The following CNTN5 variants were observed in gnomAD, a reference collection of about 807,000 sequenced individuals.
CNTN5 encodes contactin-5.
Under a neutral mutation model 129.1 loss-of-function variants are expected in CNTN5, and 77 were observed. The observed-to-expected ratio is 0.60, with a 90% CI of 0.50 to 0.72. CNTN5 has a LOEUF of 0.72. Ranked by LOEUF, CNTN5 falls within the 30% of genes least tolerant of loss-of-function variation. The pLI is 0.00. For synonymous variants in CNTN5, 509 were observed against 465.6 expected, an observed-to-expected ratio of 1.09 and a Z score of -1.20; for missense variants, 1,478 against 1,328.8, an observed-to-expected ratio of 1.11 and a Z score of -1.75.
chr11:99,313,401 G>T (rs1166558561), intron 1 of CNTN5, among the ~76,000 whole-genome samples: 1 of 151,844 alleles, frequency 6.6e-6, no homozygotes, highest in African/African-American at 2.4e-5. Flanking sequence ...TTAATTTTAA[G>T]AACAAATGCC....
intron 18 of CNTN5, among the ~76,000 whole-genome samples, chr11:100,277,944 G>A (rs1188791529): frequency 6.6e-6 from 1 of 151,996 alleles, no homozygotes; most frequent in African/African-American, 2.4e-5. Flanking sequence ...CATATTTTGA[G>A]GTCTTAGATT....
chr11:99,482,635 G>T (rs368529115), intron 2 of CNTN5, among the ~76,000 whole-genome samples: 1 of 151,850 alleles, frequency 6.6e-6, no homozygotes, highest in Non-Finnish European at 1.5e-5. Context: ...AACCGAAATC[G>T]CTTTTCAAAA....
chr11:100,043,828 A>G (rs1942504523), intron 9 of CNTN5, among the ~76,000 whole-genome samples: 2 of 150,808 alleles, frequency 1.3e-5, no homozygotes, highest in Non-Finnish European at 3.0e-5. Flanking sequence ...GGATCATTTG[A>G]TTCAGTTTGT....
intron 7 of CNTN5, among the ~76,000 whole-genome samples, chr11:99,947,384 T>C (rs1240927850): frequency 6.6e-6 from 1 of 151,730 alleles, no homozygotes. Context: ...TAGGGACAAA[T>C]TCTTGATGTA....
chr11:99,279,073 G>A (rs1242047294), intron 1 of CNTN5, among the ~76,000 whole-genome samples: 6 of 151,808 alleles, frequency 4.0e-5, no homozygotes, highest in South Asian at 4.1e-4. Context: ...TATACTTTGC[G>A]AAGTACTCTA....
chr11:99,052,690 C>T (rs1380130716), intron 1 of CNTN5, among the ~76,000 whole-genome samples: 1 of 151,804 alleles, frequency 6.6e-6, no homozygotes, highest in Non-Finnish European at 1.5e-5. Context: ...TGGCCAAACT[C>T]TCACCTCTGA....
rs374079438 is a variant in CNTN5 at position 100,333,036 on chromosome 11, T to A, written c.2731-7427T>A. 2.0e-5 allele frequency among the ~76,000 whole-genome samples: 3 copies of A among 151,860 alleles called. No individual in the cohort carries two copies. In the East Asian group the frequency reaches 5.8e-4, roughly 29 times the overall value. On this transcript the variant is annotated intron_variant, in intron 21 of 24. Coordinates refer to ENST00000524871, the MANE Select transcript of CNTN5 (RefSeq NM_014361.4). Reference sequence around the variant, plus strand: ...TTTGCTGATGATATGATTGTATACATGAAGACAAAAAAGCTCCTAGAACGG... The same window carrying A: ...TTTGCTGATGATATGATTGTATACAAGAAGACAAAAAAGCTCCTAGAACGG...
Position 99,399,906 on chromosome 11 carries a change from A to G in CNTN5, c.-71+74422A>G, listed in dbSNP as rs564965394. The stretch of plus-strand genomic sequence containing the variant: ...GAAGGTGGATACATTTATGGAGTAC[A>G]TGAGATATTTGATACAGGCATGCAA... On this transcript the variant is annotated intron_variant, in intron 2 of 24. Coordinates refer to ENST00000524871, the MANE Select transcript of CNTN5 (RefSeq NM_014361.4). 5.9e-5 allele frequency among the ~76,000 whole-genome samples: 9 copies of G among 152,074 alleles called. No homozygotes were observed. In the South Asian group the frequency reaches 1.5e-3, roughly 25 times the overall value.
chr11:100,280,977 A>G (rs776685147), intron 18 of CNTN5, among the ~76,000 whole-genome samples: 4 of 152,152 alleles, frequency 2.6e-5, no homozygotes, highest in Non-Finnish European at 5.9e-5. Flanking sequence ...AAAAATCTAC[A>G]TCTTAAATTT....
intron 1 of CNTN5, among the ~76,000 whole-genome samples, chr11:99,178,436 G>T (rs1427610023): frequency 4.0e-5 from 6 of 151,570 alleles, no homozygotes; most frequent in Non-Finnish European, 7.4e-5. Context: ...TGGGAGGATT[G>T]CTTGAACCCA....
At chr11:99,628,899 A>G (rs532479211) in intron 3 of CNTN5, among the ~76,000 whole-genome samples, 1 of 152,200 alleles carries the variant, frequency 6.6e-6, no homozygotes, top group South Asian at 2.1e-4. Flanking sequence ...TTCATTTATA[A>G]ATAATTTGCT....
chr11:99,824,796 A>G (rs565290744), intron 4 of CNTN5, among the ~76,000 whole-genome samples: 17 of 152,070 alleles, frequency 1.1e-4, no homozygotes, highest in South Asian at 8.3e-4. Flanking sequence ...TTGGAGTGGT[A>G]TGTATTAACC....
chr11:99,845,080 TC>T lies in CNTN5; in HGVS notation c.402-5del. 1.2e-6 allele frequency: 2 copies of T among 1,612,876 alleles called. No individual in the cohort carries two copies. Among genetic ancestry groups the T allele is most frequent in the Non-Finnish European group, 1.7e-6 (2 of 1,179,328 alleles). On this transcript the variant is annotated splice_polypyrimidine_tract_variant and splice_region_variant and intron_variant, in intron 5 of 24. Transcript: ENST00000524871. Reference sequence around the variant, plus strand: ...TATACATATTTGTCTTCTGATTTTTTCCTAAGATGGCTTCGAAATGGAACAG... The same window carrying T: ...TATACATATTTGTCTTCTGATTTTTTCTAAGATGGCTTCGAAATGGAACAG...
intron 13 of CNTN5, among the ~76,000 whole-genome samples, chr11:100,090,551 C>A (rs960430935): frequency 1.8e-5 from 2 of 111,226 alleles, no homozygotes; most frequent in Non-Finnish European, 3.6e-5. Context: ...TCCTTCCTTC[C>A]CTCCCTCCCT....
chr11:99,669,349 C>A (rs564438654), intron 3 of CNTN5, among the ~76,000 whole-genome samples: 1 of 152,128 alleles, frequency 6.6e-6, no homozygotes, highest in African/African-American at 2.4e-5. Flanking sequence ...TCTACTTATG[C>A]AACTTCGAGT....
chr11:99,506,400 C>G (rs1946620945), intron 2 of CNTN5, among the ~76,000 whole-genome samples: 1 of 152,184 alleles, frequency 6.6e-6, no homozygotes, highest in African/African-American at 2.4e-5. Flanking sequence ...GATTCTTATA[C>G]AAATATCTTT....
chr11:100,067,220 T>C lies in CNTN5; in HGVS notation c.1163-3204T>C, dbSNP rs573305606. On this transcript the variant is annotated intron_variant, in intron 10 of 24. Coordinates refer to ENST00000524871, the MANE Select transcript of CNTN5 (RefSeq NM_014361.4). ...TAATGTTAATTAATGTTTATTCAATTATGACATTAAATTTATTTTTCTAAT... is the reference window on the plus strand; with the variant it reads ...TAATGTTAATTAATGTTTATTCAATCATGACATTAAATTTATTTTTCTAAT... Among the ~76,000 whole-genome samples, 4 of 152,080 alleles carry C rather than the reference T, an allele frequency of 2.6e-5. No individual in the cohort carries two copies. In the South Asian group the frequency reaches 6.2e-4, roughly 24 times the overall value.
At chr11:99,693,835 G>C (rs1488241243) in intron 3 of CNTN5, among the ~76,000 whole-genome samples, 1 of 152,058 alleles carries the variant, frequency 6.6e-6, no homozygotes, top group East Asian at 1.9e-4. Flanking sequence ...ATTGAATCAG[G>C]TTCCAAAGGT....
chr11:99,583,607 T>C (rs891029634), intron 3 of CNTN5, among the ~76,000 whole-genome samples: 7 of 152,190 alleles, frequency 4.6e-5, no homozygotes, highest in Non-Finnish European at 1.0e-4. Context: ...GCTCCGTGGG[T>C]GTAGGACTCT....
Sources: allele counts gnomAD v4.1 joint callset (sites outside exome capture counted in the v4.1 genomes callset), GRCh38; gene constraint gnomAD v4.1.1; transcripts MANE v1.5; gene names NCBI Gene and HGNC (gene_info 2026-07-23, HGNC 2026-07-21).